Variants in DNAH6 observed in about 807,000 individuals in gnomAD.
DNAH6 encodes the protein dynein axonemal heavy chain 6, also known as axonemal beta dynein heavy chain 6.
A neutral mutation model predicts 491.4 loss-of-function variants in DNAH6; 340 were observed. The observed-to-expected ratio is 0.69, with a 90% CI of 0.63 to 0.76. The LOEUF is 0.76. DNAH6 is among the 30% of genes least tolerant of loss of function. DNAH6 has a pLI of 0.00. For synonymous variants in DNAH6, 1,603 were observed against 1,686.1 expected (o/e 0.95, Z 1.21); for missense variants, 4,443 against 4,972.2 (o/e 0.89, Z 3.20).
At chr2:84,527,652 C>T (rs565192938) in intron 3 of DNAH6, among the ~76,000 whole-genome samples, 1 of 152,282 alleles carries the variant, frequency 6.6e-6, no homozygotes, top group African/African-American at 2.4e-5. Context: ...TTATTGCTGC[C>T]ATCCCTGGCC....
rs1692226841 is a variant in DNAH6, at chr2:84,667,245, A to G, written c.6085-2044A>G. Among the ~76,000 whole-genome samples, 4 of 152,312 alleles carry G rather than the reference A, an allele frequency of 2.6e-5. No individual in the cohort carries two copies. In the South Asian group the frequency reaches 8.3e-4, roughly 32 times the overall value. ...ATGGCAACAAAAGCCAAAATTGACA[A>G]ATGGGATCTAATTAAACTAAAGAGC... On this transcript the variant is annotated intron_variant, in intron 37 of 76. Coordinates refer to ENST00000389394, the MANE Select transcript of DNAH6 (RefSeq NM_001370.2).
the DNAH6 span, among the ~76,000 whole-genome samples, chr2:84,470,026 C>T: frequency 6.6e-6 from 1 of 152,288 alleles, no homozygotes; most frequent in Non-Finnish European, 1.5e-5. Context: ...TAAGTTGGGC[C>T]TCTAACCCAA....
intron 10 of DNAH6, among the ~76,000 whole-genome samples, chr2:84,556,515 G>C (rs1439867747): frequency 6.6e-6 from 1 of 152,136 alleles, no homozygotes; most frequent in Non-Finnish European, 1.5e-5. Context: ...CTCATTTAAA[G>C]ACTTACCTTT....
In DNAH6 at chr2:84,658,430, T is replaced by A; in HGVS notation, c.5896T>A (p.Leu1966Met). 6.5e-7 allele frequency: 1 copy of A among 1,542,608 alleles called. No individual in the cohort carries two copies. Among genetic ancestry groups the A allele is most frequent in the Non-Finnish European group, 8.8e-7 (1 of 1,142,690 alleles). Residue 1966 changes from leucine (L) to methionine (M), a missense_variant, in exon 36 of 77, where the codon TTG becomes ATG. Leu to Met is a conservative substitution (Grantham distance 15, BLOSUM62 2). Coordinates refer to ENST00000389394, the MANE Select transcript of DNAH6 (RefSeq NM_001370.2). Reference sequence around the variant, plus strand: ...CAAAGTTACTACACTCTGTTGCTTATTGGAGTCCTTGATACTTGGGAAAGA... The same window carrying A: ...CAAAGTTACTACACTCTGTTGCTTAATGGAGTCCTTGATACTTGGGAAAGA... ...ISKVTTLCCL[L>M]ESLILGKDGV...
At chr2:84,709,955 A>G (rs1021004033) in intron 55 of DNAH6, among the ~76,000 whole-genome samples, 1 of 152,052 alleles carries the variant, frequency 6.6e-6, no homozygotes, top group Non-Finnish European at 1.5e-5. Flanking sequence ...CCATTTTCTG[A>G]CTCCCTAAGT....
In DNAH6 at chr2:84,707,544, C is replaced by T; in HGVS notation, c.8876C>T (p.Ala2959Val). Residue 2959 changes from alanine (A) to valine (V), a missense_variant, in exon 54 of 77, where the codon GCA becomes GTA. Around this residue, in one of 3 missense-constraint regions of DNAH6, gnomAD observed 1,463 missense variants for 1,656.6 expected, o/e 0.88. Transcript: ENST00000389394. ...GCAAAGACCATGGCCCTGACAAAAG[C>T]ACGTCTAGTACGTGCTGGAAAGCTG... ...SLAKTMALTK[A>V]RLVRAGKLTA... is the part of the protein sequence containing the mutation. 4 of 1,551,254 alleles carry T rather than the reference C, an allele frequency of 2.6e-6. No individual in the cohort carries two copies. Among genetic ancestry groups the T allele is most frequent in the Non-Finnish European group, 3.5e-6 (4 of 1,146,714 alleles).
intron 22 of DNAH6, among the ~76,000 whole-genome samples, chr2:84,616,316 T>C (rs1686854059): frequency 6.6e-6 from 1 of 152,124 alleles, no homozygotes; most frequent in African/African-American, 2.4e-5. Flanking sequence ...GTTGTCTATC[T>C]CATTTCTAAG....
chr2:84,688,197 TG>T (rs1195817649), intron 44 of DNAH6, among the ~76,000 whole-genome samples: 1 of 145,370 alleles, frequency 6.9e-6, no homozygotes, highest in East Asian at 2.0e-4. Context: ...ATCGCACCAC[TG>T]CACCCCACCC....
the DNAH6 span, among the ~76,000 whole-genome samples, chr2:84,493,075 G>T: frequency 2.0e-5 from 3 of 151,868 alleles, no homozygotes; most frequent in African/African-American, 7.3e-5. Flanking sequence ...TTACTTTAAA[G>T]GACCAGATAG....
Position 84,697,670 on chromosome 2 carries a change from A to G in DNAH6, c.7620A>G (p.Leu2540=). The G allele has an allele frequency of 6.4e-7, 1 of 1,552,038 alleles. No individual in the cohort carries two copies. Among genetic ancestry groups the G allele is most frequent in the African/African-American group, 1.4e-5 (1 of 73,176 alleles). ...LFEKDELEQV[L]AATRPRAKEV... is the part of the protein sequence containing the mutation. ...AAAAGGATGAACTGGAGCAGGTTTT[A>G]GCGGCCACCAGACCAAGAGCAAAAG... Residue 2540 remains leucine, a synonymous_variant, in exon 47 of 77, where the codon TTA becomes TTG. Coordinates refer to ENST00000389394, the MANE Select transcript of DNAH6 (RefSeq NM_001370.2).
intron 57 of DNAH6, among the ~76,000 whole-genome samples, chr2:84,714,362 G>A (rs972793040): frequency 1.4e-4 from 21 of 152,132 alleles, no homozygotes; most frequent in African/African-American, 4.8e-4. Flanking sequence ...TGTCAGCCTC[G>A]AGGAGTTTAA....
intron 21 of DNAH6, 94 bp downstream of exon 21, chr2:84,607,189 GT>G (rs1685853659): frequency 8.1e-7 from 1 of 1,235,052 alleles, no homozygotes; most frequent in Admixed American, 2.3e-5. Context: ...ATATTATATG[GT>G]TTTAAAATGT....
At chr2:84,811,589 G>A (rs139407703) in intron 72 of DNAH6, among the ~76,000 whole-genome samples, 505 of 152,274 alleles carry the variant, frequency 3.3e-3, no homozygotes, top group African/African-American at 0.011. Context: ...AGCCGGGCAC[G>A]GTGGCTCACA....
intron 39 of DNAH6, among the ~76,000 whole-genome samples, chr2:84,672,037 G>T (rs558109886): frequency 6.6e-6 from 1 of 152,236 alleles, no homozygotes; most frequent in African/African-American, 2.4e-5. Flanking sequence ...GTGTGGCTGA[G>T]ACAGAGAAAG....
chr2:84,782,711 G>C (rs1018705937), intron 65 of DNAH6, among the ~76,000 whole-genome samples: 4 of 152,162 alleles, frequency 2.6e-5, no homozygotes, highest in African/African-American at 9.7e-5. Context: ...GCTTCCTGCT[G>C]GGCCTGTGGC....
chr2:84,812,673 T>C (rs1680103854), intron 73 of DNAH6, 147 bp downstream of exon 73: 1 of 733,462 alleles, frequency 1.4e-6, no homozygotes, highest in South Asian at 1.9e-5. Flanking sequence ...GGCATCACTT[T>C]AAAAGTCTTA....
rs534262358 is a variant in DNAH6, at chr2:84,556,128, G to A, written c.1603-1607G>A. 3.9e-4 allele frequency among the ~76,000 whole-genome samples: 60 copies of A among 152,332 alleles called. 1 individual carries two copies. The South Asian group carries it at 0.012, about 29-fold the overall frequency. Reference sequence around the variant, plus strand: ...TGATAAGCATTCCAGGAGAAAGGGGGTTGTGATATACATTTGTATATTAAC... The same window carrying A: ...TGATAAGCATTCCAGGAGAAAGGGGATTGTGATATACATTTGTATATTAAC... On this transcript the variant is annotated intron_variant, in intron 10 of 76. Coordinates refer to ENST00000389394, the MANE Select transcript of DNAH6 (RefSeq NM_001370.2).
chr2:84,537,571 G>A (rs988104488), intron 4 of DNAH6, among the ~76,000 whole-genome samples: 2 of 151,994 alleles, frequency 1.3e-5, no homozygotes, highest in African/African-American at 2.4e-5. Flanking sequence ...AAGTGGTTCC[G>A]GGTTTTTCTG....
Position 84,517,810 on chromosome 2 carries a change from T to C in DNAH6, c.-8-9T>C, listed in dbSNP as rs748198052. On this transcript the variant is annotated splice_polypyrimidine_tract_variant and intron_variant, in intron 1 of 76. Coordinates refer to ENST00000389394, the MANE Select transcript of DNAH6 (RefSeq NM_001370.2). ...TTTCATTTTCTTTTTCCTCACCTAT[T>C]CTTTTCAGGAGTAAGGATGACTTTT... 7.8e-6 allele frequency: 12 copies of C among 1,543,466 alleles called. No homozygotes were observed. The South Asian group carries it at 1.4e-4, about 19-fold the overall frequency.
Sources: allele counts gnomAD v4.1 joint callset (sites outside exome capture counted in the v4.1 genomes callset), GRCh38; gene constraint gnomAD v4.1.1; regional missense constraint gnomAD v4.1.1; transcripts MANE v1.5; gene names NCBI Gene and HGNC (gene_info 2026-07-23, HGNC 2026-07-21).